CDH2: variants seen among roughly 807,000 people sequenced by gnomAD.
CDH2 encodes cadherin 2.
Under a neutral mutation model 92.0 loss-of-function variants are expected in CDH2, and 17 were observed. That is an observed-to-expected ratio of 0.18 (90% CI 0.13 to 0.28). The LOEUF is 0.28. Among genes scored for constraint, CDH2 ranks in the 10% least tolerant of loss-of-function variants. The pLI is 1.00. For missense variants in CDH2, 862 were observed against 1,133.1 expected, an observed-to-expected ratio of 0.76 and a Z score of 3.44; for synonymous variants, 419 against 415.9, an observed-to-expected ratio of 1.01 and a Z score of -0.09.
intron 1 of CDH2, among the ~76,000 whole-genome samples, chr18:28,168,068 G>A (rs776697368): frequency 2.0e-5 from 3 of 152,098 alleles, no homozygotes; most frequent in Non-Finnish European, 4.4e-5. Flanking sequence ...AAGCGGGAGC[G>A]GGGGGATTAC....
At chr18:28,072,044 CA>C (rs1448629761) in intron 2 of CDH2, among the ~76,000 whole-genome samples, 1 of 152,092 alleles carries the variant, frequency 6.6e-6, no homozygotes, top group Non-Finnish European at 1.5e-5. Context: ...GAATTCTTGT[CA>C]AAACATAGCA....
rs1429294649 is a variant in CDH2, at chr18:27,985,667, A to G, written c.1836T>C (p.Thr612=). ...APQVLPQEAE[T]CETPDPNSIN... is the part of the protein sequence containing the mutation. The stretch of plus-strand genomic sequence containing the variant: ...TTGAATTGGGGTCTGGAGTTTCGCA[A>G]GTCTCTGCCTCTTGAGGTAACACTT... The change falls in exon 12 of 16, where the codon ACT becomes ACC. Residue 612 remains threonine, a synonymous_variant. Transcript: ENST00000269141. The G allele has an allele frequency of 2.5e-6, 4 of 1,613,988 alleles. No homozygotes were observed. The highest frequency in any genetic ancestry group is 2.5e-6 in the Non-Finnish European group (3 of 1,179,854).
intron 6 of CDH2, among the ~76,000 whole-genome samples, chr18:27,940,307 G>A (rs988054438): frequency 1.3e-5 from 2 of 152,120 alleles, no homozygotes; most frequent in African/African-American, 4.8e-5. Context: ...CTTCTCTTGG[G>A]TAATCCTGCA....
intron 2 of CDH2, among the ~76,000 whole-genome samples, chr18:28,141,728 T>C (rs1384056532): frequency 1.3e-5 from 2 of 151,994 alleles, no homozygotes; most frequent in South Asian, 2.1e-4. Flanking sequence ...TTACCTCTAC[T>C]GAAAGCCTTC....
chr18:28,000,476 A>G (rs1415805196), intron 7 of CDH2, among the ~76,000 whole-genome samples: 2 of 152,146 alleles, frequency 1.3e-5, no homozygotes, highest in African/African-American at 4.8e-5. Context: ...ATCCCCATTT[A>G]TGGATGCAGG....
intron 2 of CDH2, among the ~76,000 whole-genome samples, chr18:28,105,852 T>C (rs1028366392): frequency 1.3e-5 from 2 of 152,244 alleles, no homozygotes; most frequent in Non-Finnish European, 2.9e-5. Context: ...CACATTAAAA[T>C]GGGTTTCTGG....
intron 2 of CDH2, among the ~76,000 whole-genome samples, chr18:28,095,688 T>C (rs1168850178): frequency 6.6e-6 from 1 of 150,946 alleles, no homozygotes; most frequent in African/African-American, 2.4e-5. Context: ...CACACGCTAG[T>C]GGTCCCAGCT....
At position 28,087,133 on chromosome 18, in the gene CDH2, ATGCTATCTTT is replaced by A. The variant is rs1341862932; in HGVS notation, c.172+60530_172+60539del. 2.6e-5 allele frequency among the ~76,000 whole-genome samples: 4 copies of A among 152,324 alleles called. No homozygotes were observed. In the East Asian group the frequency reaches 7.7e-4, roughly 29 times the overall value. ...TCATGTCTCTTACTTATACTTTGAA[ATGCTATCTTT>A]TGCCTGTTGATGAATTTGATAGCAT... is the stretch of plus-strand genomic sequence containing the variant. On this transcript the variant is annotated intron_variant, in intron 2 of 15. Transcript: ENST00000269141.
chr18:27,991,344 C>A (rs2012408781), intron 9 of CDH2, among the ~76,000 whole-genome samples: 1 of 152,050 alleles, frequency 6.6e-6, no homozygotes, highest in Non-Finnish European at 1.5e-5. Flanking sequence ...AGTTTCGTAC[C>A]CTAGACCACC....
chr18:28,152,873 G>A (rs1033323717), intron 1 of CDH2, among the ~76,000 whole-genome samples: 1 of 152,118 alleles, frequency 6.6e-6, no homozygotes. Context: ...AAAAGGGGCA[G>A]ATTTTGTCAA....
intron 15 of CDH2, 61 bp downstream of exon 15, chr18:27,963,296 G>C: frequency 6.6e-7 from 1 of 1,508,362 alleles, no homozygotes; most frequent in African/African-American, 1.4e-5. Flanking sequence ...GTGGCCTACA[G>C]AGATCTAACC....
chr18:28,168,834 G>C (rs1392706393), intron 1 of CDH2, among the ~76,000 whole-genome samples: 1 of 152,038 alleles, frequency 6.6e-6, no homozygotes, highest in Admixed American at 6.5e-5. Context: ...AATCAACTAA[G>C]TAGAGAGAAA....
chr18:28,047,927 T>C (rs2144120512), intron 2 of CDH2, among the ~76,000 whole-genome samples: 1 of 151,556 alleles, frequency 6.6e-6, no homozygotes, highest in South Asian at 2.1e-4. Context: ...TTGTGATATG[T>C]TTTTGCCTCT....
chr18:28,017,483 C>CT (rs2013283725), intron 2 of CDH2, among the ~76,000 whole-genome samples: 1 of 152,004 alleles, frequency 6.6e-6, no homozygotes, highest in Admixed American at 6.6e-5. Flanking sequence ...TCTAATTGAG[C>CT]TTATTTGGAT....
At chr18:28,164,798 G>A (rs927185864) in intron 1 of CDH2, among the ~76,000 whole-genome samples, 1 of 152,158 alleles carries the variant, frequency 6.6e-6, no homozygotes, top group African/African-American at 2.4e-5. Context: ...TATACCTGTT[G>A]TTTCCAAATC....
intron 2 of CDH2, among the ~76,000 whole-genome samples, chr18:28,015,160 T>TA (rs1448498527): frequency 6.6e-6 from 1 of 152,170 alleles, no homozygotes; most frequent in African/African-American, 2.4e-5. Context: ...GTCATTAGAA[T>TA]AAATTCACTG....
intron 15 of CDH2, among the ~76,000 whole-genome samples, chr18:27,962,718 A>G (rs2011440151): frequency 6.6e-6 from 1 of 152,228 alleles, no homozygotes; most frequent in South Asian, 2.1e-4. Flanking sequence ...ATTGAACTTC[A>G]AAACTTAAAT....
chr18:28,052,309 CTT>C (rs1385193528), intron 2 of CDH2, among the ~76,000 whole-genome samples: 1 of 151,994 alleles, frequency 6.6e-6, no homozygotes, highest in African/African-American at 2.4e-5. Context: ...CTGTATCAAA[CTT>C]ATAATTAAAT....
chr18:28,089,166 G>T (rs2014992025), intron 2 of CDH2, among the ~76,000 whole-genome samples: 1 of 152,034 alleles, frequency 6.6e-6, no homozygotes, highest in African/African-American at 2.4e-5. Flanking sequence ...TTATAATAAA[G>T]AACCAATATA....
Sources: allele counts gnomAD v4.1 joint callset (sites outside exome capture counted in the v4.1 genomes callset), GRCh38; gene constraint gnomAD v4.1.1; transcripts MANE v1.5; gene names NCBI Gene and HGNC (gene_info 2026-07-23, HGNC 2026-07-21).